The following DNAJC5 variants were observed in gnomAD, a reference collection of about 807,000 sequenced individuals.
DNAJC5 encodes the protein DnaJ heat shock protein family (Hsp40) member C5.
In DNAJC5, 1 loss-of-function variant was observed where a neutral mutation model predicts 23.2. The ratio of observed to expected loss-of-function variants is 0.04; its 90% CI spans 0.02 to 0.20. The LOEUF (loss-of-function observed/expected upper bound fraction) is 0.20, where lower values mean the gene tolerates loss of function less well. DNAJC5 is among the 10% of genes least tolerant of loss of function. The probability of loss-of-function intolerance (pLI) is 1.00; values close to 1 mark genes in which losing one functional copy is unlikely to be tolerated. For missense variants in DNAJC5, 180 were observed against 267.0 expected (o/e 0.67, Z 2.27); for synonymous variants, 136 against 120.0 (o/e 1.13, Z -0.87).
At chr20:63,903,982 A>G (rs144881548) in intron 1 of DNAJC5, among the ~76,000 whole-genome samples, 1 of 152,224 alleles carries the variant, frequency 6.6e-6, no homozygotes, top group Non-Finnish European at 1.5e-5. Flanking sequence ...GCTACTCGAG[A>G]GGCTGAGGTC....
In DNAJC5 at chr20:63,903,443, G is replaced by A. The variant is rs192389381; in HGVS notation, c.-12+8120G>A. ...CTGCCTCAGCCTCTGTAGCAGCTGGGACTACAGGCATGCGCCACTACGCCC... is the reference window on the plus strand; with the variant it reads ...CTGCCTCAGCCTCTGTAGCAGCTGGAACTACAGGCATGCGCCACTACGCCC... On this transcript the variant is annotated intron_variant, in intron 1 of 4. Coordinates refer to ENST00000360864, the MANE Select transcript of DNAJC5 (RefSeq NM_025219.3). Among the ~76,000 whole-genome samples the A allele has an allele frequency of 3.3e-5, 5 of 152,208 alleles. No individual in the cohort carries two copies. The East Asian group carries it at 9.8e-4, about 30-fold the overall frequency.
At chr20:63,896,605 G>C (rs1182332388) in intron 1 of DNAJC5, among the ~76,000 whole-genome samples, 1 of 152,156 alleles carries the variant, frequency 6.6e-6, no homozygotes, top group Non-Finnish European at 1.5e-5. Context: ...TCTGTCCTTG[G>C]ATCTTCCTGG....
In DNAJC5 at chr20:63,930,951, C is replaced by T. The variant is rs1386687282; in HGVS notation, c.422C>T (p.Pro141Leu). The T allele has an allele frequency of 6.2e-7, 1 of 1,614,158 alleles. No homozygotes were observed. Among genetic ancestry groups the T allele is most frequent in the Non-Finnish European group, 8.5e-7 (1 of 1,180,036 alleles). Residue 141 changes from proline (P) to leucine (L), a missense_variant, in exon 4 of 5, where the codon CCT (proline) becomes CTT (leucine). Pro to Leu is a moderately conservative substitution (Grantham distance 98). Transcript: ENST00000360864. ...CCCGKCKPKA[P>L]EGEETEFYVS... ...TGCGGGAAGTGTAAGCCCAAGGCGC[C>T]TGAAGGCGAGGAGACGGAGTTCTAC...
At position 63,933,216 on chromosome 20, in the gene DNAJC5, C is replaced by T. The variant is rs41278222; in HGVS notation, c.*1648C>T. On this transcript the variant is annotated 3_prime_UTR_variant, in exon 5 of 5. Transcript: ENST00000360864. ...CCCCTTCCCTGCCTGCCTGCTGACC[C>T]GTGGCCCCAGCTCACTCATTGCCCT... 0.08 allele frequency: 12,238 copies of T among 152,802 alleles called. 598 individuals are homozygous for T. The highest frequency in any genetic ancestry group is 0.087 in the African/African-American group (3,617 of 41,534). The allele number at this position is 152,802 out of a possible 1,614,324, so 9.5% of individuals were successfully genotyped here. A position where few individuals can be genotyped will look rare whatever the true frequency, so the allele number is the denominator to read the frequency against.
intron 1 of DNAJC5, among the ~76,000 whole-genome samples, chr20:63,922,261 A>G (rs1461689867): frequency 6.6e-6 from 1 of 151,872 alleles, no homozygotes; most frequent in African/African-American, 2.4e-5. Flanking sequence ...CAGGAGTTCA[A>G]GACTATCCTG....
chr20:63,897,919 A>T (rs2053385243), intron 1 of DNAJC5, among the ~76,000 whole-genome samples: 1 of 152,134 alleles, frequency 6.6e-6, no homozygotes, highest in South Asian at 2.1e-4. Flanking sequence ...TGCATCCCTG[A>T]AGATGGTTGT....
intron 1 of DNAJC5, among the ~76,000 whole-genome samples, chr20:63,925,907 A>G (rs1363356476): frequency 6.9e-6 from 1 of 145,782 alleles, no homozygotes; most frequent in African/African-American, 2.6e-5. Flanking sequence ...TGCTCACTGC[A>G]AGCTCCGCCT....
At chr20:63,898,811 A>T (rs1269486150) in intron 1 of DNAJC5, among the ~76,000 whole-genome samples, 1 of 152,230 alleles carries the variant, frequency 6.6e-6, no homozygotes, top group African/African-American at 2.4e-5. Context: ...ACTGCACTCC[A>T]GCCTGGGCGA....
intron 1 of DNAJC5, among the ~76,000 whole-genome samples, chr20:63,909,953 C>T (rs1003529599): frequency 6.6e-6 from 1 of 152,198 alleles, no homozygotes. Flanking sequence ...ACTTGTCTTT[C>T]ATATTTGGGA....
rs1171411674 is a variant in DNAJC5 at position 63,928,423 on chromosome 20, A to C, written c.78A>C (p.Ala26=). The change falls in exon 2 of 5, where the codon GCA becomes GCC. Residue 26 remains alanine, a synonymous_variant. Coordinates refer to ENST00000360864, the MANE Select transcript of DNAJC5 (RefSeq NM_025219.3). The surrounding 1 kb of genome is among the most constrained non-coding windows in gnomAD (Gnocchi z 4.6). ...LYHVLGLDKN[A]TSDDIKKSYR... ...ACGTCCTTGGGTTGGACAAGAACGCAACCTCAGATGACATTAAAAAGTCCT... is the reference window on the plus strand; with the variant it reads ...ACGTCCTTGGGTTGGACAAGAACGCCACCTCAGATGACATTAAAAAGTCCT... 6.2e-7 allele frequency: 1 copy of C among 1,614,060 alleles called. No homozygotes were observed.
rs2053556700 is a variant in DNAJC5 at position 63,920,243 on chromosome 20, A to C, written c.-11-8092A>C. ...TCTGAGTGAGGGCTCTCCAGCCAGC[A>C]GGGAGCAGGGCAGGGTGTTGAAGAG... On this transcript the variant is annotated intron_variant, in intron 1 of 4. Coordinates refer to ENST00000360864, the MANE Select transcript of DNAJC5 (RefSeq NM_025219.3). The surrounding 1 kb of genome is among the most constrained non-coding windows in gnomAD (Gnocchi z 4.6). Among the ~76,000 whole-genome samples, 1 of 152,260 alleles carries C rather than the reference A, an allele frequency of 6.6e-6. No homozygotes were observed. The highest frequency in any genetic ancestry group is 1.5e-5 in the Non-Finnish European group (1 of 68,050).
At position 63,931,560 on chromosome 20, in the gene DNAJC5, T is replaced by C. The variant is rs1321922101; in HGVS notation, c.589T>C (p.Phe197Leu). 1 of 1,567,046 alleles carries C rather than the reference T, an allele frequency of 6.4e-7. No individual in the cohort carries two copies. The highest frequency in any genetic ancestry group is 2.4e-5 in the East Asian group (1 of 42,262). Residue 197 changes from phenylalanine (F) to leucine (L), a missense_variant, in exon 5 of 5, where the codon TTC becomes CTC. By Grantham distance (22) the Phe-to-Leu change is conservative. Coordinates refer to ENST00000360864, the MANE Select transcript of DNAJC5 (RefSeq NM_025219.3). This position sits in a 1 kb window ranked among gnomAD's most constrained non-coding sequence, Gnocchi z 9.6. ...DSHPSYHTDG[F>L]N The stretch of plus-strand genomic sequence containing the variant: ...CCACCCCAGCTACCACACTGACGGG[T>C]TCAACTAAATCCAGGAGGAGCTGTG...
In DNAJC5 at chr20:63,901,915, C is replaced by T. The variant is rs372961806; in HGVS notation, c.-12+6592C>T. Among the ~76,000 whole-genome samples the T allele has an allele frequency of 2.9e-3, 441 of 152,236 alleles. 1 individual carries two copies. The highest frequency in any genetic ancestry group is 0.01 in the African/African-American group (426 of 41,544). On this transcript the variant is annotated intron_variant, in intron 1 of 4. Transcript: ENST00000360864. ...GGTGTCTGTCTTTCCCCTTTGCTTG[C>T]GGGGCCTTTTACCACAGCACTTTGG... is the stretch of plus-strand genomic sequence containing the variant.
At chr20:63,905,607 A>C (rs1459027774) in intron 1 of DNAJC5, among the ~76,000 whole-genome samples, 1 of 135,134 alleles carries the variant, frequency 7.4e-6, no homozygotes, top group African/African-American at 2.8e-5. Flanking sequence ...GGCTCTTGTC[A>C]CCCAGGCTGG....
At chr20:63,917,073 G>A (rs2053519825) in intron 1 of DNAJC5, among the ~76,000 whole-genome samples, 1 of 152,134 alleles carries the variant, frequency 6.6e-6, no homozygotes, top group Admixed American at 6.6e-5. Flanking sequence ...AGTTTATGAA[G>A]ATAACAGGAT....
intron 1 of DNAJC5, among the ~76,000 whole-genome samples, chr20:63,910,531 A>G (rs868468029): frequency 2.0e-5 from 3 of 149,164 alleles, no homozygotes; most frequent in African/African-American, 7.4e-5. Flanking sequence ...CAACAGAGCG[A>G]GACTCCCTCT....
In DNAJC5 at chr20:63,909,395, C is replaced by T. The variant is rs556171254; in HGVS notation, c.-12+14072C>T. Reference sequence around the variant, plus strand: ...GCGGGCGCCTGTAGTCCCAGCTACTCGGGAGGCTGAGGCAGGAGAATGGCG... The same window carrying T: ...GCGGGCGCCTGTAGTCCCAGCTACTTGGGAGGCTGAGGCAGGAGAATGGCG... On this transcript the variant is annotated intron_variant, in intron 1 of 4. Coordinates refer to ENST00000360864, the MANE Select transcript of DNAJC5 (RefSeq NM_025219.3). Among the ~76,000 whole-genome samples the T allele has an allele frequency of 4.6e-5, 7 of 152,048 alleles. No individual in the cohort carries two copies. In the East Asian group the frequency reaches 5.8e-4, roughly 13 times the overall value.
At chr20:63,906,735 G>A (rs917785448) in intron 1 of DNAJC5, among the ~76,000 whole-genome samples, 8 of 152,164 alleles carry the variant, frequency 5.3e-5, no homozygotes, top group African/African-American at 9.6e-5. Context: ...GCAGTGAGCC[G>A]AGATCGCGCC....
intron 1 of DNAJC5, among the ~76,000 whole-genome samples, chr20:63,918,365 C>T (rs2053531209): frequency 6.6e-6 from 1 of 152,004 alleles, no homozygotes; most frequent in Non-Finnish European, 1.5e-5. Context: ...AAAAAAAAAG[C>T]AGATTACAGA....
Sources: gnomAD v4.1 joint callset for allele counts (sites outside exome capture counted in the v4.1 genomes callset) on GRCh38, gnomAD v4.1.1 for gene constraint, Gnocchi (gnomAD v3.1) non-coding constraint, MANE v1.5 for transcripts, NCBI Gene and HGNC (gene_info 2026-07-23, HGNC 2026-07-21) for gene names.